Variants in RIMS2 observed in about 807,000 individuals in gnomAD.
RIMS2 encodes regulating synaptic membrane exocytosis 2.
Under a neutral mutation model 174.4 loss-of-function variants are expected in RIMS2, and 59 were observed. The observed-to-expected ratio is 0.34, with a 90% CI of 0.27 to 0.42. The LOEUF (loss-of-function observed/expected upper bound fraction) is 0.42. RIMS2 is among the 10% of genes least tolerant of loss of function. RIMS2 has a pLI of 1.00. For synonymous variants in RIMS2, 606 were observed against 572.5 expected, an observed-to-expected ratio of 1.06 and a Z score of -0.84; for missense variants, 1,620 against 1,666.3, an observed-to-expected ratio of 0.97 and a Z score of 0.48.
intron 3 of RIMS2, among the ~76,000 whole-genome samples, chr8:103,841,660 G>A (rs78728276): frequency 0.054 from 8,223 of 152,156 alleles, 318 homozygotes; most frequent in Non-Finnish European, 0.079. Flanking sequence ...CTTTCAAACT[G>A]CTTCTACCTG....
At chr8:104,228,115 G>A (rs371153636) in intron 19 of RIMS2, among the ~76,000 whole-genome samples, 7 of 145,702 alleles carry the variant, frequency 4.8e-5, no homozygotes, top group East Asian at 2.1e-4. Context: ...TGCAAGCTCC[G>A]CCTCCCAGGT....
At chr8:104,051,245 AGT>A in intron 19 of RIMS2, among the ~76,000 whole-genome samples, 1 of 151,838 alleles carries the variant, frequency 6.6e-6, no homozygotes, top group African/African-American at 2.4e-5. Context: ...TCTCAAAACA[AGT>A]GTGTGTGTAT....
At chr8:103,971,683 T>C (rs983842020) in intron 15 of RIMS2, among the ~76,000 whole-genome samples, 2 of 152,072 alleles carry the variant, frequency 1.3e-5, no homozygotes, top group Admixed American at 1.3e-4. Context: ...GCAATGCGTC[T>C]GCCTCAGCCT....
At chr8:104,082,297 A>G (rs2097435925) in intron 19 of RIMS2, among the ~76,000 whole-genome samples, 1 of 152,258 alleles carries the variant, frequency 6.6e-6, no homozygotes, top group Non-Finnish European at 1.5e-5. Flanking sequence ...TCAATCCAAG[A>G]GTTCACTATC....
chr8:103,665,970 A>G (rs1289965162), intron 1 of RIMS2, among the ~76,000 whole-genome samples: 1 of 152,160 alleles, frequency 6.6e-6, no homozygotes, highest in African/African-American at 2.4e-5. Flanking sequence ...ATTAATACTT[A>G]TTTAGTACAT....
intron 1 of RIMS2, among the ~76,000 whole-genome samples, chr8:103,509,718 A>G: frequency 6.6e-6 from 1 of 152,116 alleles, no homozygotes; most frequent in East Asian, 1.9e-4. Context: ...AGTTAAGAAA[A>G]GGTTTACACA....
At chr8:103,710,431 G>A (rs1590867203) in intron 2 of RIMS2, among the ~76,000 whole-genome samples, 1 of 152,040 alleles carries the variant, frequency 6.6e-6, no homozygotes, top group South Asian at 2.1e-4. Flanking sequence ...AAAATTTTAC[G>A]AAATATCGGT....
At chr8:103,678,840 A>G (rs1408521936) in intron 1 of RIMS2, among the ~76,000 whole-genome samples, 1 of 152,112 alleles carries the variant, frequency 6.6e-6, no homozygotes, top group African/African-American at 2.4e-5. Context: ...ACAAGTTAAG[A>G]TAGAAAAATT....
chr8:103,935,197 A>G (rs1428210800), intron 12 of RIMS2, among the ~76,000 whole-genome samples: 1 of 152,214 alleles, frequency 6.6e-6, no homozygotes, highest in Non-Finnish European at 1.5e-5. Context: ...TCCTTGTTTC[A>G]GATAAGTTAT....
chr8:104,101,419 G>A (rs568582690), intron 19 of RIMS2, among the ~76,000 whole-genome samples: 72 of 152,138 alleles, frequency 4.7e-4, no homozygotes, highest in South Asian at 8.3e-4. Context: ...ATGAGCCACC[G>A]TGCCCGGCCT....
chr8:103,795,393 T>C (rs952860607), intron 3 of RIMS2, among the ~76,000 whole-genome samples: 2 of 128,144 alleles, frequency 1.6e-5, no homozygotes, highest in Admixed American at 2.0e-4. Context: ...TGAGAACACC[T>C]GGACACAGAG....
intron 19 of RIMS2, among the ~76,000 whole-genome samples, chr8:104,109,237 C>A (rs1388319513): frequency 7.1e-6 from 1 of 140,940 alleles, no homozygotes; most frequent in African/African-American, 2.7e-5. Flanking sequence ...GTGGAGCTTG[C>A]AGTGAGCCGA....
intron 10 of RIMS2, chr8:103,922,619 C>T: frequency 2.6e-6 from 1 of 386,766 alleles, no homozygotes; most frequent in African/African-American, 2.1e-5. Context: ...AAATTCAGAC[C>T]TTGAATTTTG....
chr8:103,546,605 A>C (rs1186680037), intron 1 of RIMS2, among the ~76,000 whole-genome samples: 1 of 152,108 alleles, frequency 6.6e-6, no homozygotes. Context: ...CGTGCCACAT[A>C]CTCTAAAATT....
chr8:103,880,828 C>T (rs1394578966), intron 3 of RIMS2: 2 of 370,490 alleles, frequency 5.4e-6, no homozygotes, highest in Non-Finnish European at 9.6e-6. Context: ...TCATGTTTTA[C>T]AGGATTATAT....
At chr8:104,023,763 G>GT (rs1211651579) in intron 19 of RIMS2, among the ~76,000 whole-genome samples, 13 of 152,232 alleles carry the variant, frequency 8.5e-5, no homozygotes, top group Non-Finnish European at 1.8e-4. Context: ...ATTTACCACC[G>GT]TAAGACTGGT....
intron 14 of RIMS2, among the ~76,000 whole-genome samples, chr8:103,945,116 A>G (rs1189028115): frequency 1.3e-5 from 2 of 152,106 alleles, no homozygotes; most frequent in African/African-American, 4.8e-5. Flanking sequence ...GATCGTGATC[A>G]TATTTGATAG....
In RIMS2 at chr8:103,556,826, A is replaced by G. The variant is rs529335487; in HGVS notation, c.176+55764A>G. Among the ~76,000 whole-genome samples, 105 of 152,168 alleles carry G rather than the reference A, an allele frequency of 6.9e-4. 1 individual carries two copies. In the South Asian group the frequency reaches 0.011, roughly 16 times the overall value. On this transcript the variant is annotated intron_variant, in intron 1 of 23. Transcript: ENST00000504942. Reference sequence around the variant, plus strand: ...TTAGGTTCCCAGGGTTAACCCAAAAACCTACCTAACAAATAGGTAGGTTTA... The same window carrying G: ...TTAGGTTCCCAGGGTTAACCCAAAAGCCTACCTAACAAATAGGTAGGTTTA...
intron 19 of RIMS2, among the ~76,000 whole-genome samples, chr8:104,170,237 G>A (rs1195208548): frequency 6.6e-6 from 1 of 152,050 alleles, no homozygotes; most frequent in Non-Finnish European, 1.5e-5. Context: ...TTTCCGTCTT[G>A]AGGATCTGTC....
Sources: gnomAD v4.1 joint callset for allele counts (sites outside exome capture counted in the v4.1 genomes callset) on GRCh38, gnomAD v4.1.1 for gene constraint, MANE v1.5 for transcripts, NCBI Gene and HGNC (gene_info 2026-07-23, HGNC 2026-07-21) for gene names.